Variants in PCDHGA8 observed in about 807,000 individuals in gnomAD.
PCDHGA8 encodes the protein protocadherin gamma subfamily A, 8.
A neutral mutation model predicts 59.2 loss-of-function variants in PCDHGA8; 45 were observed. The ratio of observed to expected loss-of-function variants is 0.76; its 90% CI spans 0.60 to 0.98. The LOEUF (loss-of-function observed/expected upper bound fraction) is 0.98. Ranked by LOEUF, PCDHGA8 falls within the 50% of genes least tolerant of loss-of-function variation. The pLI is 0.00. For synonymous variants in PCDHGA8, 531 were observed against 519.0 expected, an observed-to-expected ratio of 1.02 and a Z score of -0.32; for missense variants, 1,257 against 1,196.2, an observed-to-expected ratio of 1.05 and a Z score of -0.75.
rs775299266 is a variant in PCDHGA8, at chr5:141,432,192, AC to A, written c.2424+36959del. On this transcript the variant is annotated intron_variant, in intron 1 of 3. Transcript: ENST00000398604. The surrounding 1 kb of genome is among the most constrained non-coding windows in gnomAD (Gnocchi z 6.0). ...TCCCTCGTCTCTGTGACCGCCCACG[AC>A]CCCGACTGTGAAGAGAACGCCCAGA... 5 of 1,613,812 alleles carry A rather than the reference AC, an allele frequency of 3.1e-6. No individual in the cohort carries two copies. Among genetic ancestry groups the A allele is most frequent in the Non-Finnish European group, 4.2e-6 (5 of 1,179,996 alleles).
chr5:141,422,156 T>C, intron 1 of PCDHGA8: 2 of 1,573,504 alleles, frequency 1.3e-6, no homozygotes, highest in Non-Finnish European at 8.6e-7. Flanking sequence ...TCTCTGGATT[T>C]TGAAAAATAT....
Position 141,487,291 on chromosome 5 carries a change from C to T in PCDHGA8, c.2425-7516C>T, listed in dbSNP as rs748961925. The stretch of plus-strand genomic sequence containing the variant: ...TGGCAATTTGCTTTGTCTCCTTTGG[C>T]TCATTCGTGGCACTACTCTCTAAGT... On this transcript the variant is annotated intron_variant, in intron 1 of 3. Transcript: ENST00000398604. This position sits in a 1 kb window ranked among gnomAD's most constrained non-coding sequence, Gnocchi z 5.0. The T allele has an allele frequency of 1.9e-5, 30 of 1,614,036 alleles. No homozygotes were observed. Among genetic ancestry groups the T allele is most frequent in the Non-Finnish European group, 2.5e-5 (30 of 1,180,020 alleles).
rs2099634686 is a variant in PCDHGA8 at position 141,486,772 on chromosome 5, T to G, written c.2425-8035T>G. 1 of 1,614,246 alleles carries G rather than the reference T, an allele frequency of 6.2e-7. No individual in the cohort carries two copies. The highest frequency in any genetic ancestry group is 8.5e-7 in the Non-Finnish European group (1 of 1,180,042). Reference sequence around the variant, plus strand: ...ATGAGCAAACCCAGACACTGCAGTTTGAGGTGCAGGCCCGGGATCGGGGCA... The same window carrying G: ...ATGAGCAAACCCAGACACTGCAGTTGGAGGTGCAGGCCCGGGATCGGGGCA... On this transcript the variant is annotated intron_variant, in intron 1 of 3. Coordinates refer to ENST00000398604, the MANE Select transcript of PCDHGA8 (RefSeq NM_032088.2). This position sits in a 1 kb window ranked among gnomAD's most constrained non-coding sequence, Gnocchi z 5.0.
chr5:141,405,407 CTTTT>C (rs762612492), intron 1 of PCDHGA8: 1 of 1,581,924 alleles, frequency 6.3e-7, no homozygotes, highest in Non-Finnish European at 8.6e-7. Flanking sequence ...TCTTTCTTTT[CTTTT>C]TTTGTTTTTT....
intron 1 of PCDHGA8, chr5:141,412,984 C>G: frequency 1.8e-6 from 1 of 558,874 alleles, no homozygotes; most frequent in Non-Finnish European, 3.0e-6. Flanking sequence ...GCAGCCAGAG[C>G]TCAATCCGGA....
At chr5:141,422,881 T>G in intron 1 of PCDHGA8, 1 of 1,614,214 alleles carries the variant, frequency 6.2e-7, no homozygotes, top group East Asian at 2.2e-5. Flanking sequence ...GCTGAGCCTG[T>G]TCGTGCTGGA....
chr5:141,418,810 A>G lies in PCDHGA8; in HGVS notation c.2424+23573A>G, dbSNP rs149866479. The G allele has an allele frequency of 4.9e-3, 7,975 of 1,613,892 alleles. 44 individuals carry two copies. Among genetic ancestry groups the G allele is most frequent in the Admixed American group, 9.4e-3 (567 of 60,018 alleles). On this transcript the variant is annotated intron_variant, in intron 1 of 3. Coordinates refer to ENST00000398604, the MANE Select transcript of PCDHGA8 (RefSeq NM_032088.2). ...TTGAAGAAGTAGAAAGATATACGAT[A>G]AACATAGAAGCAAAAGACCGAGGAT...
intron 1 of PCDHGA8, chr5:141,430,898 G>A: frequency 6.2e-7 from 1 of 1,605,834 alleles, no homozygotes; most frequent in East Asian, 2.2e-5. Flanking sequence ...TAGGGTGGGC[G>A]ACATCTCCAG....
Position 141,477,849 on chromosome 5 carries a change from A to G in PCDHGA8, c.2425-16958A>G. ...CCTCGGCCAGGTGGGAGCTCGGTGGAGATGCTGCCTCGAGGTACCTCAGCT... is the reference window on the plus strand; with the variant it reads ...CCTCGGCCAGGTGGGAGCTCGGTGGGGATGCTGCCTCGAGGTACCTCAGCT... On this transcript the variant is annotated intron_variant, in intron 1 of 3. Transcript: ENST00000398604. This position sits in a 1 kb window ranked among gnomAD's most constrained non-coding sequence, Gnocchi z 4.9. The G allele has an allele frequency of 6.8e-6, 11 of 1,612,812 alleles. No individual in the cohort carries two copies. Among genetic ancestry groups the G allele is most frequent in the Non-Finnish European group, 8.5e-6 (10 of 1,179,548 alleles).
In PCDHGA8 at chr5:141,403,683, A is replaced by G. The variant is rs757429628; in HGVS notation, c.2424+8446A>G. 2.5e-6 allele frequency: 4 copies of G among 1,613,804 alleles called. No individual in the cohort carries two copies. The highest frequency in any genetic ancestry group is 1.7e-6 in the Non-Finnish European group (2 of 1,179,888). ...AATGATAATGCCCCGGTTTTTGCTC[A>G]ACGGATTTACCGAGTTAAAGTCCTT... On this transcript the variant is annotated intron_variant, in intron 1 of 3. Transcript: ENST00000398604.
intron 1 of PCDHGA8, chr5:141,400,091 C>A: frequency 6.2e-7 from 1 of 1,614,072 alleles, no homozygotes; most frequent in Non-Finnish European, 8.5e-7. Context: ...GCCACCGCCA[C>A]GCTGCACTTG....
At position 141,482,530 on chromosome 5, in the gene PCDHGA8, C is replaced by CAA. The variant is rs3074545; in HGVS notation, c.2425-12259_2425-12258dup. ...CAGAGTACAGTATGAGACAGACATG[C>CAA]AAAAAAAAAAAAAAAAAAAGATAAT... On this transcript the variant is annotated intron_variant, in intron 1 of 3. Transcript: ENST00000398604. Among the ~76,000 whole-genome samples the CAA allele has an allele frequency of 5.5e-3, 422 of 76,516 alleles. 18 individuals are homozygous for CAA. Among genetic ancestry groups the CAA allele is most frequent in the African/African-American group, 0.016 (343 of 20,862 alleles). The allele number at this position is 76,516 out of a possible 152,430, so 50.2% of individuals were successfully genotyped here.
intron 1 of PCDHGA8, among the ~76,000 whole-genome samples, chr5:141,482,526 C>T (rs1198022164): frequency 1.5e-5 from 1 of 68,582 alleles, no homozygotes; most frequent in African/African-American, 9.7e-5. Flanking sequence ...ATGAGACAGA[C>T]ATGCAAAAAA....
chr5:141,487,919 A>G lies in PCDHGA8; in HGVS notation c.2425-6888A>G, dbSNP rs548678238. ...ATGGAATGTGGGAGCACAGGAGGCTACAGTGCACAGGGTACAGTGCACCAG... is the reference window on the plus strand; with the variant it reads ...ATGGAATGTGGGAGCACAGGAGGCTGCAGTGCACAGGGTACAGTGCACCAG... On this transcript the variant is annotated intron_variant, in intron 1 of 3. Transcript: ENST00000398604. The surrounding 1 kb of genome is among the most constrained non-coding windows in gnomAD (Gnocchi z 5.0). 23 of 644,878 alleles carry G rather than the reference A, an allele frequency of 3.6e-5. No individual in the cohort carries two copies. Among genetic ancestry groups the G allele is most frequent in the Non-Finnish European group, 5.6e-5 (21 of 374,374 alleles). 39.9% of individuals were successfully genotyped at this position (644,878 alleles called of 1,614,324 possible). A position where few individuals can be genotyped will look rare whatever the true frequency, so the allele number is the denominator to read the frequency against.
At chr5:141,439,500 TTCTC>T (rs1399113868) in intron 1 of PCDHGA8, among the ~76,000 whole-genome samples, 9 of 152,246 alleles carry the variant, frequency 5.9e-5, no homozygotes, top group Admixed American at 2.0e-4. Context: ...AGAAACGTCT[TTCTC>T]TCTGCTCTCA....
At chr5:141,443,169 T>C (rs946262743) in intron 1 of PCDHGA8, among the ~76,000 whole-genome samples, 2 of 152,170 alleles carry the variant, frequency 1.3e-5, no homozygotes, top group Non-Finnish European at 2.9e-5. Flanking sequence ...TCCCTACCCA[T>C]GTCCACTGCA....
intron 1 of PCDHGA8, chr5:141,422,771 T>C (rs2096671394): frequency 6.2e-7 from 1 of 1,613,954 alleles, no homozygotes; most frequent in Non-Finnish European, 8.5e-7. Flanking sequence ...ACTGGTGTTC[T>C]CTATGCCCTA....
At position 141,486,367 on chromosome 5, in the gene PCDHGA8, G is replaced by A; in HGVS notation, c.2425-8440G>A. On this transcript the variant is annotated intron_variant, in intron 1 of 3. Coordinates refer to ENST00000398604, the MANE Select transcript of PCDHGA8 (RefSeq NM_032088.2). This position sits in a 1 kb window ranked among gnomAD's most constrained non-coding sequence, Gnocchi z 5.0. Reference sequence around the variant, plus strand: ...CTGACCACTTGCCATTTGCCCTCAAGTCTGCCTTCAGGAACCAGTTCTCCC... The same window carrying A: ...CTGACCACTTGCCATTTGCCCTCAAATCTGCCTTCAGGAACCAGTTCTCCC... 1 of 1,614,148 alleles carries A rather than the reference G, an allele frequency of 6.2e-7. No individual in the cohort carries two copies. Among genetic ancestry groups the A allele is most frequent in the Non-Finnish European group, 8.5e-7 (1 of 1,180,022 alleles).
At chr5:141,508,033 C>A (rs1596123382) in intron 3 of PCDHGA8, 1 of 152,290 alleles carries the variant, frequency 6.6e-6, no homozygotes, top group Non-Finnish European at 1.5e-5. Flanking sequence ...GTTTGCAGCT[C>A]AGCCAGCTGT....
Sources: allele counts gnomAD v4.1 joint callset (sites outside exome capture counted in the v4.1 genomes callset), GRCh38; gene constraint gnomAD v4.1.1; non-coding constraint Gnocchi (gnomAD v3.1); transcripts MANE v1.5; gene names NCBI Gene and HGNC (gene_info 2026-07-23, HGNC 2026-07-21).